The following TNXB variants were observed in gnomAD, a reference collection of about 807,000 sequenced individuals.
TNXB encodes tenascin XB.
TNXB carries 183 observed loss-of-function variants against 340.5 expected under a neutral mutation model. The ratio of observed to expected loss-of-function variants is 0.54; its 90% CI spans 0.48 to 0.61. TNXB has a LOEUF of 0.61. TNXB is among the 20% of genes least tolerant of loss of function. The pLI is 0.00. For missense variants in TNXB, 4,613 were observed against 5,446.4 expected (o/e 0.85, Z 4.82); for synonymous variants, 2,121 against 2,314.5 (o/e 0.92, Z 2.40).
In TNXB at chr6:32,058,082, G is replaced by C; in HGVS notation, c.7801C>G (p.Pro2601Ala). 1 of 1,610,582 alleles carries C rather than the reference G, an allele frequency of 6.2e-7. No individual in the cohort carries two copies. The highest frequency in any genetic ancestry group is 8.5e-7 in the Non-Finnish European group (1 of 1,178,466). ...YGLHEGRRLG[P>A]VSAVGVTEDE... ...CCTGTGACGCCCACGGCAGACACCGGGCCCAGGCGCCGCCCCTCGTGGAGG... is the reference window on the plus strand; with the variant it reads ...CCTGTGACGCCCACGGCAGACACCGCGCCCAGGCGCCGCCCCTCGTGGAGG... The change falls in exon 22 of 44, where the codon CCG (proline) becomes GCG (alanine). Residue 2601 changes from proline to alanine, a missense_variant. Around this residue, in one of 7 missense-constraint regions of TNXB, gnomAD observed 4,327 missense variants for 4,859.4 expected, o/e 0.89. Transcript: ENST00000644971. The surrounding 1 kb of genome is among the most constrained non-coding windows in gnomAD (Gnocchi z 5.1).
In TNXB at chr6:32,069,261, C is replaced by A. The variant is rs1778607257; in HGVS notation, c.5588-125G>T. ...GCAATCGAAAGACCAGCTTTTGCTG[C>A]ACATGGGTGAATTTCAAAAGCATTG... On this transcript the variant is annotated intron_variant, in intron 15 of 43. Transcript: ENST00000644971. The surrounding 1 kb of genome is among the most constrained non-coding windows in gnomAD (Gnocchi z 6.2). The A allele has an allele frequency of 2.1e-6, 2 of 971,714 alleles. No individual in the cohort carries two copies. The highest frequency in any genetic ancestry group is 5.6e-5 in the Admixed American group (2 of 35,888). 60.2% of individuals were successfully genotyped at this position (971,714 alleles called of 1,614,324 possible).
chr6:32,096,319 A>T lies in TNXB; in HGVS notation c.1534T>A (p.Cys512Ser). ...RGRGRCVDGR[C>S]VCNPGFTGED... ...CCGGTGAAGCCCGGGTTGCACACGC[A>T]GCGGCCATCCACGCAGCGCCCGCGC... is the stretch of plus-strand genomic sequence containing the variant. Residue 512 changes from cysteine (C) to serine (S), a missense_variant, in exon 3 of 44, where the codon TGC (cysteine) becomes AGC (serine). Around this residue, in one of 7 missense-constraint regions of TNXB, gnomAD observed 4,327 missense variants for 4,859.4 expected, o/e 0.89. Transcript: ENST00000644971. 6.5e-7 allele frequency: 1 copy of T among 1,549,806 alleles called. No individual in the cohort carries two copies.
Position 32,090,733 on chromosome 6 carries a change from C to T in TNXB, c.2359-1354G>A, listed in dbSNP as rs1166237165. 6.6e-6 allele frequency among the ~76,000 whole-genome samples: 1 copy of T among 152,110 alleles called. No individual in the cohort carries two copies. The highest frequency in any genetic ancestry group is 2.4e-5 in the African/African-American group (1 of 41,402). On this transcript the variant is annotated intron_variant, in intron 4 of 43. Coordinates refer to ENST00000644971, the MANE Select transcript of TNXB (RefSeq NM_001365276.2). The surrounding 1 kb of genome is among the most constrained non-coding windows in gnomAD (Gnocchi z 4.3). ...TTCCTGGGCACATAGGACCTCCAGC[C>T]CTCTCCTATTCACCCTGCCTTAGAA...
Position 32,042,440 on chromosome 6 carries a change from C to T in TNXB, c.12210+15G>A, listed in dbSNP as rs865934006. On this transcript the variant is annotated intron_variant, in intron 40 of 43. Transcript: ENST00000644971. The stretch of plus-strand genomic sequence containing the variant: ...CTGCCCTGCACAGACCCCTGGGCTT[C>T]CCAATGCCACCCACCAGCCAGCCGC... 6.2e-7 allele frequency: 1 copy of T among 1,611,112 alleles called. No individual in the cohort carries two copies. The highest frequency in any genetic ancestry group is 8.5e-7 in the Non-Finnish European group (1 of 1,179,572).
chr6:32,059,595 A>C (rs1039044613), intron 21 of TNXB, among the ~76,000 whole-genome samples: 2 of 151,756 alleles, frequency 1.3e-5, no homozygotes, highest in African/African-American at 4.9e-5. Context: ...AGGAACACAA[A>C]ACTGAACGTG....
Position 32,069,457 on chromosome 6 carries a change from G to C in TNXB, c.5587+96C>G. 7.3e-7 allele frequency: 1 copy of C among 1,373,354 alleles called. No homozygotes were observed. Among genetic ancestry groups the C allele is most frequent in the South Asian group, 1.6e-5 (1 of 63,086 alleles). The allele number at this position is 1,373,354 out of a possible 1,614,324, so 85.1% of individuals were successfully genotyped here. On this transcript the variant is annotated intron_variant, in intron 15 of 43. Transcript: ENST00000644971. This position sits in a 1 kb window ranked among gnomAD's most constrained non-coding sequence, Gnocchi z 6.2. ...GGAAACTTTCTGGATCAATGGAAAT[G>C]ATATAAAATGGGAAGCTCAGAGATC...
chr6:32,048,032 G>T lies in TNXB; in HGVS notation c.10046-20C>A. ...CTGGGGCTGGAAAAGACAGTGAGGT[G>T]CATGGAGAGTGGGATGGAGGCAAAG... On this transcript the variant is annotated intron_variant, in intron 29 of 43. Coordinates refer to ENST00000644971, the MANE Select transcript of TNXB (RefSeq NM_001365276.2). The T allele has an allele frequency of 6.3e-7, 1 of 1,596,032 alleles. No homozygotes were observed. Among genetic ancestry groups the T allele is most frequent in the Non-Finnish European group, 8.6e-7 (1 of 1,169,166 alleles).
intron 11 of TNXB, among the ~76,000 whole-genome samples, chr6:32,076,752 CG>C (rs1197389052): frequency 6.6e-6 from 1 of 152,172 alleles, no homozygotes; most frequent in African/African-American, 2.4e-5. Context: ...GAGGCCAAGG[CG>C]GGTGGATCAT....
At position 32,058,833 on chromosome 6, in the gene TNXB, C is replaced by T. The variant is rs1375651318; in HGVS notation, c.7493-443G>A. 3.3e-5 allele frequency among the ~76,000 whole-genome samples: 5 copies of T among 151,880 alleles called. 1 individual carries two copies. Among genetic ancestry groups the T allele is most frequent in the Admixed American group, 1.3e-4 (2 of 15,280 alleles). On this transcript the variant is annotated intron_variant, in intron 21 of 43. Coordinates refer to ENST00000644971, the MANE Select transcript of TNXB (RefSeq NM_001365276.2). The surrounding 1 kb of genome is among the most constrained non-coding windows in gnomAD (Gnocchi z 5.1). Reference sequence around the variant, plus strand: ...TTTTGTTATAGTGCTTTCACCGCAACGCATCAAATAACCATTGAAACGATG... The same window carrying T: ...TTTTGTTATAGTGCTTTCACCGCAATGCATCAAATAACCATTGAAACGATG...
Position 32,068,470 on chromosome 6 carries a change from G to C in TNXB, c.6140C>G (p.Pro2047Arg). The C allele has an allele frequency of 6.2e-7, 1 of 1,613,886 alleles. No homozygotes were observed. The highest frequency in any genetic ancestry group is 8.5e-7 in the Non-Finnish European group (1 of 1,179,892). ...EEGVTISGLE[P>R]DHKYKMNLYG... ...CAGGTTCATCTTGTATTTATGGTCT[G>C]GCTCCAGGCCCGAGATGGTGACCCC... The change falls in exon 17 of 44, where the codon CCA becomes CGA. Residue 2047 changes from proline to arginine, a missense_variant. Transcript: ENST00000644971. This position sits in a 1 kb window ranked among gnomAD's most constrained non-coding sequence, Gnocchi z 5.3.
At chr6:32,065,180 T>C in intron 18 of TNXB, 63 bp from the exon 19 acceptor site, 1 of 1,423,826 alleles carries the variant, frequency 7.0e-7, no homozygotes, top group East Asian at 2.5e-5. Flanking sequence ...GCCCCAGCTG[T>C]CTTGAATTCA....
intron 33 of TNXB, 121 bp downstream of exon 33, chr6:32,044,260 T>C: frequency 1.8e-6 from 1 of 559,350 alleles, no homozygotes; most frequent in Non-Finnish European, 3.1e-6. Flanking sequence ...TGGAAGTCGC[T>C]CTGCAGATTC....
rs1256926368 is a variant in TNXB at position 32,051,544 on chromosome 6, A to G, written c.9115+1126T>C. 6.6e-6 allele frequency among the ~76,000 whole-genome samples: 1 copy of G among 152,254 alleles called. No individual in the cohort carries two copies. Among genetic ancestry groups the G allele is most frequent in the Non-Finnish European group, 1.5e-5 (1 of 68,044 alleles). ...GTGGAAGCAACCCAGATGTCCATCA[A>G]TGGATGAAAGGATGAGCAAAGTGTG... is the stretch of plus-strand genomic sequence containing the variant. On this transcript the variant is annotated intron_variant, in intron 26 of 43. Coordinates refer to ENST00000644971, the MANE Select transcript of TNXB (RefSeq NM_001365276.2). The surrounding 1 kb of genome is among the most constrained non-coding windows in gnomAD (Gnocchi z 4.7).
Position 32,084,772 on chromosome 6 carries a change from T to C in TNXB, c.3149-63A>G. The stretch of plus-strand genomic sequence containing the variant: ...CAACCGTTCTCTTGTCTGTGTCTCC[T>C]TCCCTCTCCCCTGCCCACCTCACTC... On this transcript the variant is annotated intron_variant, in intron 7 of 43. Coordinates refer to ENST00000644971, the MANE Select transcript of TNXB (RefSeq NM_001365276.2). This position sits in a 1 kb window ranked among gnomAD's most constrained non-coding sequence, Gnocchi z 5.5. 1 of 1,420,794 alleles carries C rather than the reference T, an allele frequency of 7.0e-7. No individual in the cohort carries two copies. The highest frequency in any genetic ancestry group is 9.4e-7 in the Non-Finnish European group (1 of 1,069,264). 88.0% of individuals were successfully genotyped at this position (1,420,794 alleles called of 1,614,324 possible).
Position 32,084,538 on chromosome 6 carries a change from G to C in TNXB, c.3320C>G (p.Pro1107Arg). The stretch of plus-strand genomic sequence containing the variant: ...GGCCGAGCGCTGGGGTCCTTCCACG[G>C]GCACCACCTGGGGCTGCCCGTCCCT... ...KDRDGQPQVV[P>R]VEGPQRSAVI... Residue 1107 changes from proline to arginine, a missense_variant, in exon 8 of 44, where the codon CCC becomes CGC. Physicochemically the swap from Pro to Arg is moderately radical, Grantham distance 103. Transcript: ENST00000644971. This position sits in a 1 kb window ranked among gnomAD's most constrained non-coding sequence, Gnocchi z 5.5. 6.2e-7 allele frequency: 1 copy of C among 1,608,762 alleles called. No homozygotes were observed. Among genetic ancestry groups the C allele is most frequent in the Non-Finnish European group, 8.5e-7 (1 of 1,178,672 alleles).
At chr6:32,076,621 G>A (rs1260589084) in intron 11 of TNXB, among the ~76,000 whole-genome samples, 1 of 152,220 alleles carries the variant, frequency 6.6e-6, no homozygotes, top group Admixed American at 6.5e-5. Flanking sequence ...ACAACAAGCT[G>A]GGCAGCGTTT....
rs551346767 is a variant in TNXB at position 32,041,421 on chromosome 6, G to A, written c.12663C>T (p.Phe4221=). ...QGVSWYHWKG[F]EFSVPFTEMK... is the part of the protein sequence containing the mutation. ...TTTCCGTGAAGGGCACCGAGAACTC[G>A]AAGCCCTTCCAGTGGTACCAGCTCA... is the stretch of plus-strand genomic sequence containing the variant. The change falls in exon 44 of 44, where the codon TTC becomes TTT. Residue 4221 remains phenylalanine (F), a synonymous_variant. Coordinates refer to ENST00000644971, the MANE Select transcript of TNXB (RefSeq NM_001365276.2). The A allele has an allele frequency of 1.0e-5, 10 of 1,002,872 alleles. No homozygotes were observed. The highest frequency in any genetic ancestry group is 4.1e-5 in the South Asian group (3 of 73,978). 62.1% of individuals were successfully genotyped at this position (1,002,872 alleles called of 1,614,324 possible). A position where few individuals can be genotyped will look rare whatever the true frequency, so the allele number is the denominator to read the frequency against.
chr6:32,053,749 T>C (rs997558359), intron 24 of TNXB, 38 bp from the exon 25 acceptor site: 14 of 1,595,928 alleles, frequency 8.8e-6, no homozygotes, highest in Non-Finnish European at 1.2e-5. Flanking sequence ...GGTCCCTGGG[T>C]TCTCAGTTCA....
At chr6:32,050,608 A>G (rs1273744637) in intron 26 of TNXB, among the ~76,000 whole-genome samples, 1 of 147,300 alleles carries the variant, frequency 6.8e-6, no homozygotes, top group East Asian at 2.0e-4. Flanking sequence ...CTGCACCCTT[A>G]CCCTCCCTGC....
Sources: allele counts gnomAD v4.1 joint callset (sites outside exome capture counted in the v4.1 genomes callset), GRCh38; gene constraint gnomAD v4.1.1; regional missense constraint gnomAD v4.1.1; non-coding constraint Gnocchi (gnomAD v3.1); transcripts MANE v1.5; gene names NCBI Gene and HGNC (gene_info 2026-07-23, HGNC 2026-07-21).